Variants in RHD observed in about 807,000 individuals in gnomAD.
RHD encodes the protein blood group Rh(D) polypeptide.
Under a neutral mutation model 45.5 loss-of-function variants are expected in RHD, and 16 were observed. The ratio of observed to expected loss-of-function variants is 0.35; its 90% CI spans 0.24 to 0.53. The LOEUF (loss-of-function observed/expected upper bound fraction) is 0.53, where lower values mean the gene tolerates loss of function less well. Among genes scored for constraint, RHD ranks in the 20% least tolerant of loss-of-function variants. The pLI is 0.92. For synonymous variants in RHD, 131 were observed against 217.5 expected, an observed-to-expected ratio of 0.60 and a Z score of 3.50; for missense variants, 306 against 532.0, an observed-to-expected ratio of 0.58 and a Z score of 4.18.
At chr1:25,274,404 C>T (rs1182247657) in intron 1 of RHD, among the ~76,000 whole-genome samples, 1 of 132,430 alleles carries the variant, frequency 7.6e-6, no homozygotes, top group East Asian at 1.9e-4. Context: ...AGCCACTATT[C>T]CAACCCTGTA....
intron 6 of RHD, 128 bp from the exon 7 acceptor site, chr1:25,306,468 G>A: frequency 2.2e-6 from 2 of 909,830 alleles, no homozygotes; most frequent in African/African-American, 1.6e-5. Context: ...TCTGAGAAGG[G>A]CTTCTTTGAG....
chr1:25,284,424 G>A (rs1290117201), intron 1 of RHD, 149 bp from the exon 2 acceptor site: 19 of 791,308 alleles, frequency 2.4e-5, no homozygotes, highest in African/African-American at 3.6e-5. Flanking sequence ...AGAACATTGA[G>A]GCTCAAAGAG....
intron 3 of RHD, among the ~76,000 whole-genome samples, chr1:25,297,259 T>A (rs576456191): frequency 0.013 from 1,175 of 91,094 alleles, 95 homozygotes; most frequent in African/African-American, 0.039. Flanking sequence ...TGGGTATGCA[T>A]TTTTGGTAGG....
At chr1:25,296,576 G>A (rs1642975694) in intron 3 of RHD, among the ~76,000 whole-genome samples, 2 of 130,212 alleles carry the variant, frequency 1.5e-5, no homozygotes, top group African/African-American at 5.3e-5. Context: ...GTTGGGTTCT[G>A]TATCCCCCTC....
In RHD at chr1:25,310,831, G is replaced by A. The variant is rs542218689; in HGVS notation, c.1073+4102G>A. Among the ~76,000 whole-genome samples the A allele has an allele frequency of 2.3e-3, 301 of 131,956 alleles. 43 individuals are homozygous for A. The highest frequency in any genetic ancestry group is 5.9e-3 in the African/African-American group (227 of 38,728). The allele number at this position is 131,956 out of a possible 152,430, so 86.6% of individuals were successfully genotyped here. A position where few individuals can be genotyped will look rare whatever the true frequency, so the allele number is the denominator to read the frequency against. On this transcript the variant is annotated intron_variant, in intron 7 of 9. Transcript: ENST00000328664. Reference sequence around the variant, plus strand: ...TACCAAAAATACAAAAAATTAGCTGGGCGTGGTGGCGCACACCTGTAATCT... The same window carrying A: ...TACCAAAAATACAAAAAATTAGCTGAGCGTGGTGGCGCACACCTGTAATCT...
intron 7 of RHD, among the ~76,000 whole-genome samples, chr1:25,309,887 CATTT>C (rs1644051196): frequency 7.5e-6 from 1 of 133,472 alleles, no homozygotes; most frequent in African/African-American, 2.5e-5. Context: ...CTGCTTCATT[CATTT>C]CTTTTTCCAG....
intron 3 of RHD, among the ~76,000 whole-genome samples, chr1:25,298,928 C>T (rs1643152238): frequency 7.8e-6 from 1 of 128,758 alleles, no homozygotes; most frequent in African/African-American, 2.7e-5. Flanking sequence ...TTCATCTTAT[C>T]AAGAGGGTGA....
intron 1 of RHD, among the ~76,000 whole-genome samples, chr1:25,274,352 A>T (rs1482787119): frequency 1.5e-5 from 2 of 132,562 alleles, no homozygotes; most frequent in African/African-American, 5.1e-5. Flanking sequence ...GCCCCATTTT[A>T]CAGTGGGCTT....
intron 2 of RHD, among the ~76,000 whole-genome samples, chr1:25,288,957 C>CT (rs1488279492): frequency 7.4e-6 from 1 of 134,318 alleles, no homozygotes; most frequent in Admixed American, 7.2e-5. Context: ...TGCCCTTGCC[C>CT]TTTTCTGACC....
chr1:25,309,135 C>T (rs913692484), intron 7 of RHD, among the ~76,000 whole-genome samples: 3 of 131,898 alleles, frequency 2.3e-5, no homozygotes, highest in Non-Finnish European at 5.4e-5. Context: ...ATTAATTCCA[C>T]AAACAATATT....
chr1:25,311,450 G>A (rs146842230), intron 7 of RHD, among the ~76,000 whole-genome samples: 7,382 of 130,034 alleles, frequency 0.057, 1,437 homozygotes, highest in African/African-American at 0.17. Flanking sequence ...GCATGAACCC[G>A]GGAGGCAGAG....
intron 1 of RHD, among the ~76,000 whole-genome samples, chr1:25,280,434 T>C (rs1286416167): frequency 1.6e-5 from 2 of 127,138 alleles, no homozygotes; most frequent in Admixed American, 1.5e-4. Context: ...GCCTCCTGAG[T>C]AGCTGGGATT....
rs189919380 is a variant in RHD at position 25,282,997 on chromosome 1, A to C, written c.149-1576A>C. On this transcript the variant is annotated intron_variant, in intron 1 of 9. Coordinates refer to ENST00000328664, the MANE Select transcript of RHD (RefSeq NM_016124.6). ...AGAGACAATATTAATGACGGAAAAAAAATTCTTCAAGATCTCTCTCTCTCC... is the reference window on the plus strand; with the variant it reads ...AGAGACAATATTAATGACGGAAAAACAATTCTTCAAGATCTCTCTCTCTCC... 3.0e-5 allele frequency among the ~76,000 whole-genome samples: 4 copies of C among 133,256 alleles called. No individual in the cohort carries two copies. The East Asian group carries it at 7.8e-4, about 26-fold the overall frequency. The allele number at this position is 133,256 out of a possible 152,430, so 87.4% of individuals were successfully genotyped here.
Position 25,297,818 on chromosome 1 carries a change from C to T in RHD, c.487-3128C>T, listed in dbSNP as rs1329744137. Among the ~76,000 whole-genome samples the T allele has an allele frequency of 6.1e-5, 8 of 131,952 alleles. 3 individuals carry two copies. The highest frequency in any genetic ancestry group is 2.3e-4 in the South Asian group (1 of 4,352). The allele number at this position is 131,952 out of a possible 152,430, so 86.6% of individuals were successfully genotyped here. On this transcript the variant is annotated intron_variant, in intron 3 of 9. Transcript: ENST00000328664. ...CAGTGTAAGAACCATAAAGGTGTAT[C>T]TGTGTAGTATGGACAGTTTTAAAAA...
chr1:25,286,819 C>T (rs1642055690), intron 2 of RHD, among the ~76,000 whole-genome samples: 1 of 133,286 alleles, frequency 7.5e-6, no homozygotes, highest in East Asian at 1.9e-4. Context: ...TTAGGCCAGG[C>T]GCGGTGGTTC....
rs17421151 is a variant in RHD, at chr1:25,300,973, A to T, written c.514A>T (p.Ile172Phe). 39 of 1,373,952 alleles carry T rather than the reference A, an allele frequency of 2.8e-5. 11 individuals are homozygous for T. The highest frequency in any genetic ancestry group is 3.7e-5 in the Non-Finnish European group (36 of 978,622). 85.1% of individuals were successfully genotyped at this position (1,373,952 alleles called of 1,614,324 possible). The change falls in exon 4 of 10, where the codon ATC (isoleucine) becomes TTC (phenylalanine). Residue 172 changes from isoleucine to phenylalanine, a missense_variant. Ile to Phe is a conservative substitution (Grantham distance 21). Coordinates refer to ENST00000328664, the MANE Select transcript of RHD (RefSeq NM_016124.6). Reference sequence around the variant, plus strand: ...AGACTACCACATGAACATGATGCACATCTACGTGTTCGCAGCCTATTTTGG... The same window carrying T: ...AGACTACCACATGAACATGATGCACTTCTACGTGTTCGCAGCCTATTTTGG... ...NTDYHMNMMH[I>F]YVFAAYFGLS...
chr1:25,320,283 T>C lies in RHD; in HGVS notation c.1154-1606T>C, dbSNP rs1225986142. 3.0e-5 allele frequency among the ~76,000 whole-genome samples: 4 copies of C among 131,990 alleles called. 1 individual carries two copies. The highest frequency in any genetic ancestry group is 7.7e-5 in the African/African-American group (3 of 38,770). The allele number at this position is 131,990 out of a possible 152,430, so 86.6% of individuals were successfully genotyped here. A position where few individuals can be genotyped will look rare whatever the true frequency, so the allele number is the denominator to read the frequency against. On this transcript the variant is annotated intron_variant, in intron 8 of 9. Coordinates refer to ENST00000328664, the MANE Select transcript of RHD (RefSeq NM_016124.6). ...CAACAACCCTCCACAGCTACACACCTTTTCCACGTTATATGGCACGTTATA... is the reference window on the plus strand; with the variant it reads ...CAACAACCCTCCACAGCTACACACCCTTTCCACGTTATATGGCACGTTATA...
intron 6 of RHD, among the ~76,000 whole-genome samples, chr1:25,306,148 T>G (rs28736785): frequency 0.02 from 2,615 of 131,578 alleles, 453 homozygotes; most frequent in African/African-American, 0.062. Context: ...GGGGACATCT[T>G]ACAATGTCTG....
rs1034450923 is a variant in RHD, at chr1:25,312,600, A to G, written c.1074-4400A>G. On this transcript the variant is annotated intron_variant, in intron 7 of 9. Transcript: ENST00000328664. ...CTCTACAAAAAATAAAAATAAAAAA[A>G]TTAGCCAGGTATTGTGGCATATACC... Among the ~76,000 whole-genome samples the G allele has an allele frequency of 4.6e-5, 6 of 129,478 alleles. 1 individual carries two copies. Among genetic ancestry groups the G allele is most frequent in the Admixed American group, 2.3e-4 (3 of 13,206 alleles). 84.9% of individuals were successfully genotyped at this position (129,478 alleles called of 152,430 possible).
Sources: gnomAD v4.1 joint callset for allele counts (sites outside exome capture counted in the v4.1 genomes callset) on GRCh38, gnomAD v4.1.1 for gene constraint, MANE v1.5 for transcripts, NCBI Gene and HGNC (gene_info 2026-07-23, HGNC 2026-07-21) for gene names.